Variants in ALDH9A1 observed in about 807,000 individuals in gnomAD.
The protein encoded by ALDH9A1 is aldehyde dehydrogenase 9 family member A1.
A neutral mutation model predicts 56.6 loss-of-function variants in ALDH9A1; 42 were observed. That is an observed-to-expected ratio of 0.74 (90% CI 0.58 to 0.96). The LOEUF is 0.96. Among genes scored for constraint, ALDH9A1 ranks in the 40% least tolerant of loss-of-function variants. The pLI is 0.00. For missense variants in ALDH9A1, 661 were observed against 651.5 expected, an observed-to-expected ratio of 1.01 and a Z score of -0.16; for synonymous variants, 242 against 236.0, an observed-to-expected ratio of 1.03 and a Z score of -0.23.
chr1:165,687,576 C>T (rs2101752681), intron 2 of ALDH9A1, among the ~76,000 whole-genome samples: 1 of 138,832 alleles, frequency 7.2e-6, no homozygotes, highest in Non-Finnish European at 1.6e-5. Flanking sequence ...GGAGCAACAT[C>T]TTTAAAGTAC....
chr1:165,683,242 A>C, intron 2 of ALDH9A1, 132 bp from the exon 3 acceptor site: 1 of 972,508 alleles, frequency 1.0e-6, no homozygotes, highest in South Asian at 1.5e-5. Flanking sequence ...AAGAAATGGC[A>C]GTGTTACATT....
At chr1:165,665,560 G>T (rs987054668) in intron 9 of ALDH9A1, among the ~76,000 whole-genome samples, 1 of 152,020 alleles carries the variant, frequency 6.6e-6, no homozygotes, top group Admixed American at 6.5e-5. Context: ...GTGGGTCAGG[G>T]AAAGATTTCT....
At chr1:165,669,487 G>A (rs1186658354) in intron 6 of ALDH9A1, 37 bp from the exon 7 acceptor site, 10 of 1,511,232 alleles carry the variant, frequency 6.6e-6, no homozygotes, top group African/African-American at 1.4e-5. Context: ...TTCTATGTGT[G>A]TAAGGAGAAA....
intron 9 of ALDH9A1, 52 bp from the exon 10 acceptor site, chr1:165,665,182 CT>C: frequency 6.9e-7 from 1 of 1,451,066 alleles, no homozygotes; most frequent in South Asian, 1.2e-5. Flanking sequence ...TAGGCTACTA[CT>C]TTAACAGGAA....
In ALDH9A1 at chr1:165,680,546, A is replaced by G. The variant is rs1476178429; in HGVS notation, c.730T>C (p.Cys244Arg). The change falls in exon 5 of 11, where the codon TGT (cysteine) becomes CGT (arginine). Residue 244 changes from cysteine (C) to arginine (R), a missense_variant. Cys to Arg is a radical substitution (Grantham distance 180, BLOSUM62 -3). Coordinates refer to ENST00000354775, the MANE Select transcript of ALDH9A1 (RefSeq NM_000696.4). ...QGGAATGQFL[C>R]QHPDVAKVSF... ...ACTTTGGCCACATCGGGATGCTGAC[A>G]CAGAAACTGGCCTGTGGCAGCCCCT... The G allele has an allele frequency of 1.2e-6, 2 of 1,614,202 alleles. No homozygotes were observed. Among genetic ancestry groups the G allele is most frequent in the Middle Eastern group, 1.6e-4 (1 of 6,062 alleles).
chr1:165,684,861 T>A (rs765112124), intron 2 of ALDH9A1, among the ~76,000 whole-genome samples: 13 of 152,188 alleles, frequency 8.5e-5, no homozygotes, highest in Admixed American at 2.6e-4. Flanking sequence ...CTGGAGATTT[T>A]TTTCTCTTTT....
chr1:165,698,232 G>A, intron 1 of ALDH9A1, 146 bp downstream of exon 1: 2 of 1,381,406 alleles, frequency 1.4e-6, no homozygotes, highest in Non-Finnish European at 9.3e-7. Flanking sequence ...AGAATCGCTA[G>A]TTGCCTACAC....
rs776795658 is a variant in ALDH9A1, at chr1:165,682,255, A to C, written c.458-14T>G. 23 of 1,611,952 alleles carry C rather than the reference A, an allele frequency of 1.4e-5. No individual in the cohort carries two copies. The highest frequency in any genetic ancestry group is 1.8e-5 in the Non-Finnish European group (21 of 1,179,312). ...GGATGTGTTCACCTATGGGGAAAAC[A>C]GGAGTAAAGGAGGATGCAGGTCTGT... On this transcript the variant is annotated splice_polypyrimidine_tract_variant and intron_variant, in intron 3 of 10. Coordinates refer to ENST00000354775, the MANE Select transcript of ALDH9A1 (RefSeq NM_000696.4).
intron 2 of ALDH9A1, among the ~76,000 whole-genome samples, chr1:165,690,438 T>A (rs1490334878): frequency 6.6e-6 from 1 of 152,086 alleles, no homozygotes; most frequent in African/African-American, 2.4e-5. Flanking sequence ...AGTTTAACTA[T>A]CAGAGTCCAG....
chr1:165,668,042 T>C (rs1649060467), intron 8 of ALDH9A1, among the ~76,000 whole-genome samples: 3 of 152,256 alleles, frequency 2.0e-5, no homozygotes, highest in South Asian at 4.1e-4. Context: ...GGGAAGTAGA[T>C]GGGTGGGAGT....
chr1:165,666,438 G>T (rs980057486), intron 9 of ALDH9A1, among the ~76,000 whole-genome samples: 1 of 152,172 alleles, frequency 6.6e-6, no homozygotes, highest in African/African-American at 2.4e-5. Flanking sequence ...AAGAAAAAAA[G>T]AATAGCACAT....
chr1:165,695,366 T>C lies in ALDH9A1; in HGVS notation c.213A>G (p.Gly71=). ...GAACAGCCAAATTTACTTCCTTTTCTCCTGAACATGTGAAAGTAGCTATCA... is the reference window on the plus strand; with the variant it reads ...GAACAGCCAAATTTACTTCCTTTTCCCCTGAACATGTGAAAGTAGCTATCA... ...GRVIATFTCS[G]EKEVNLAVQN... is the part of the protein sequence containing the mutation. The change falls in exon 2 of 11, where the codon GGA becomes GGG. Residue 71 remains glycine (G), a synonymous_variant. Transcript: ENST00000354775. The C allele has an allele frequency of 6.2e-7, 1 of 1,612,378 alleles. No homozygotes were observed. The highest frequency in any genetic ancestry group is 8.5e-7 in the Non-Finnish European group (1 of 1,179,306).
At chr1:165,698,330 C>T (rs773104040) in intron 1 of ALDH9A1, 48 bp downstream of exon 1, 5 of 1,549,074 alleles carry the variant, frequency 3.2e-6, no homozygotes, top group Admixed American at 2.1e-5. Flanking sequence ...GGGAAATCCG[C>T]GCATCCGGCC....
chr1:165,667,025 G>T (rs1649029468), intron 9 of ALDH9A1, among the ~76,000 whole-genome samples: 1 of 152,076 alleles, frequency 6.6e-6, no homozygotes, highest in African/African-American at 2.4e-5. Context: ...TCCTTGACAT[G>T]TGTGTTTTCA....
chr1:165,690,110 T>C (rs776076511), intron 2 of ALDH9A1, among the ~76,000 whole-genome samples: 2 of 144,778 alleles, frequency 1.4e-5, no homozygotes, highest in East Asian at 2.0e-4. Context: ...TTTACAACTA[T>C]AATATAGAAT....
chr1:165,692,627 T>C (rs564238657), intron 2 of ALDH9A1, among the ~76,000 whole-genome samples: 1 of 152,226 alleles, frequency 6.6e-6, no homozygotes, highest in South Asian at 2.1e-4. Context: ...ATCGCAAAAA[T>C]GGCCATACTG....
intron 10 of ALDH9A1, among the ~76,000 whole-genome samples, chr1:165,664,184 T>C (rs1213392336): frequency 2.0e-5 from 3 of 152,032 alleles, no homozygotes; most frequent in Admixed American, 6.6e-5. Context: ...CTCATCAGTG[T>C]TCATCAGAGT....
chr1:165,697,427 A>G (rs1650125829), intron 1 of ALDH9A1, among the ~76,000 whole-genome samples: 1 of 152,252 alleles, frequency 6.6e-6, no homozygotes, highest in East Asian at 1.9e-4. Flanking sequence ...TACATACATT[A>G]CAACACGTTT....
At chr1:165,683,862 G>C (rs943167821) in intron 2 of ALDH9A1, among the ~76,000 whole-genome samples, 2 of 152,144 alleles carry the variant, frequency 1.3e-5, no homozygotes, top group Non-Finnish European at 2.9e-5. Context: ...CCTTTCTTTG[G>C]TCTAAAGGAC....
Sources: gnomAD v4.1 joint callset for allele counts (sites outside exome capture counted in the v4.1 genomes callset) on GRCh38, gnomAD v4.1.1 for gene constraint, MANE v1.5 for transcripts, NCBI Gene and HGNC (gene_info 2026-07-23, HGNC 2026-07-21) for gene names.